XYLT2: variants seen among roughly 807,000 people sequenced by gnomAD.
XYLT2 encodes xylosyltransferase 2.
A neutral mutation model predicts 82.6 loss-of-function variants in XYLT2; 37 were observed. The observed-to-expected ratio is 0.45, with a 90% CI of 0.34 to 0.59. XYLT2 has a LOEUF of 0.59. Among genes scored for constraint, XYLT2 ranks in the 20% least tolerant of loss-of-function variants. XYLT2 has a pLI of 0.01. For synonymous variants in XYLT2, 474 were observed against 499.0 expected, an observed-to-expected ratio of 0.95 and a Z score of 0.67; for missense variants, 934 against 1,181.3, an observed-to-expected ratio of 0.79 and a Z score of 3.07.
chr17:50,355,964 C>T lies in XYLT2; in HGVS notation c.1272C>T (p.Arg424=). 1 of 1,614,232 alleles carries T rather than the reference C, an allele frequency of 6.2e-7. No individual in the cohort carries two copies. The highest frequency in any genetic ancestry group is 8.5e-7 in the Non-Finnish European group (1 of 1,180,030). Residue 424 remains arginine, a synonymous_variant, in exon 6 of 11, where the codon CGC becomes CGT. Transcript: ENST00000017003. ...YTDDPLVAQL[R]QFYTYTLLPA... is the part of the protein sequence containing the mutation. ...ATGACCCGCTTGTGGCCCAGCTGCGCCAGTTCTACACATACACACTGCTCC... is the reference window on the plus strand; with the variant it reads ...ATGACCCGCTTGTGGCCCAGCTGCGTCAGTTCTACACATACACACTGCTCC...
chr17:50,348,068 T>C (rs1912111821), intron 1 of XYLT2, among the ~76,000 whole-genome samples: 1 of 152,174 alleles, frequency 6.6e-6, no homozygotes, highest in Non-Finnish European at 1.5e-5. Flanking sequence ...TAAATAACTC[T>C]TATTATCCCA....
Position 50,354,440 on chromosome 17 carries a change from A to G in XYLT2, c.661A>G (p.Ser221Gly). 6.2e-7 allele frequency: 1 copy of G among 1,611,336 alleles called. No homozygotes were observed. Among genetic ancestry groups the G allele is most frequent in the Non-Finnish European group, 8.5e-7 (1 of 1,179,558 alleles). Residue 221 changes from serine to glycine, a missense_variant, in exon 3 of 11, where the codon AGC (serine) becomes GGC (glycine). Physicochemically the swap from Ser to Gly is moderately conservative, Grantham distance 56. Transcript: ENST00000017003. ...GAGCCCCGGCATCCAGTGGGATGAG[A>G]GCCAAGCCCAGCAGCCCATGGATGG... Reference protein sequence around the residue: ...KMSPGIQWDESQAQQPMDGPP... With the variant: ...KMSPGIQWDEGQAQQPMDGPP...
rs550624609 is a variant in XYLT2 at position 50,359,652 on chromosome 17, G to A, written c.2276-317G>A. Reference sequence around the variant, plus strand: ...CTGAAGTGCCCGAGTACAGGCTTCTGAGGGCTCTAGGAGCCACCAATGATG... The same window carrying A: ...CTGAAGTGCCCGAGTACAGGCTTCTAAGGGCTCTAGGAGCCACCAATGATG... On this transcript the variant is annotated intron_variant, in intron 10 of 10. Coordinates refer to ENST00000017003, the MANE Select transcript of XYLT2 (RefSeq NM_022167.4). The A allele has an allele frequency of 1.8e-3, 568 of 319,934 alleles. 1 individual carries two copies. Among genetic ancestry groups the A allele is most frequent in the Non-Finnish European group, 2.6e-3 (442 of 173,200 alleles). 19.8% of individuals were successfully genotyped at this position (319,934 alleles called of 1,614,324 possible). A position where few individuals can be genotyped will look rare whatever the true frequency, so the allele number is the denominator to read the frequency against.
intron 1 of XYLT2, among the ~76,000 whole-genome samples, chr17:50,347,365 A>G (rs1346732687): frequency 6.6e-6 from 1 of 152,166 alleles, no homozygotes; most frequent in East Asian, 1.9e-4. Context: ...TGGAGACAGA[A>G]GAGCTGCCCT....
intron 1 of XYLT2, among the ~76,000 whole-genome samples, chr17:50,352,248 G>A (rs571107891): frequency 2.2e-4 from 33 of 152,328 alleles, no homozygotes; most frequent in Admixed American, 3.9e-4. Context: ...CATGCTCAGA[G>A]AAGTTAGGGA....
intron 4 of XYLT2, 41 bp from the exon 5 acceptor site, chr17:50,355,460 A>G (rs1284125566): frequency 1.2e-6 from 2 of 1,602,510 alleles, no homozygotes; most frequent in Non-Finnish European, 8.5e-7. Context: ...TGACTGAGCA[A>G]CTATCTCATG....
At chr17:50,348,756 G>A (rs1406762807) in intron 1 of XYLT2, among the ~76,000 whole-genome samples, 1 of 152,230 alleles carries the variant, frequency 6.6e-6, no homozygotes, top group Non-Finnish European at 1.5e-5. Context: ...TACAGAGCCA[G>A]GAAGTGGCAG....
rs1912502172 is a variant in XYLT2 at position 50,355,856 on chromosome 17, G to A, written c.1164G>A (p.Gln388=). ...ACATGTGGCGCCTGGGCGAGCGGCAGATCCCAGCAGGCATTGTGGTGGATG... is the reference window on the plus strand; with the variant it reads ...ACATGTGGCGCCTGGGCGAGCGGCAAATCCCAGCAGGCATTGTGGTGGATG... ...DSHMWRLGER[Q]IPAGIVVDGG... The change falls in exon 6 of 11, where the codon CAG becomes CAA. Residue 388 remains glutamine (Q), a synonymous_variant. Transcript: ENST00000017003. The A allele has an allele frequency of 1.2e-6, 2 of 1,614,156 alleles. No individual in the cohort carries two copies. The highest frequency in any genetic ancestry group is 2.7e-5 in the African/African-American group (2 of 74,948).
rs766559599 is a variant in XYLT2 at position 50,356,654 on chromosome 17, C to T, written c.1626C>T (p.Asp542=). The T allele has an allele frequency of 5.5e-5, 88 of 1,613,928 alleles. No individual in the cohort carries two copies. In the Middle Eastern group the frequency reaches 8.2e-4, roughly 15 times the overall value. ...AGGCCTACTGGGAGAACACCTACGA[C>T]GCGGCTGATGGCCCCAGTGGGCTCA... ...ALKAYWENTY[D]AADGPSGLSD... The change falls in exon 8 of 11, where the codon GAC becomes GAT. Residue 542 remains aspartate (D), a synonymous_variant. Transcript: ENST00000017003.
Position 50,346,775 on chromosome 17 carries a change from G to A in XYLT2, c.135+500G>A. 1 of 985,422 alleles carries A rather than the reference G, an allele frequency of 1.0e-6. No individual in the cohort carries two copies. Among genetic ancestry groups the A allele is most frequent in the Non-Finnish European group, 1.2e-6 (1 of 829,926 alleles). 61.0% of individuals were successfully genotyped at this position (985,422 alleles called of 1,614,324 possible). ...GGTGAGGAAGGGGAGCTCGGGGGTG[G>A]AATTCAGGCCTGGGACAAAGTGTGT... On this transcript the variant is annotated intron_variant, in intron 1 of 10. Transcript: ENST00000017003. The surrounding 1 kb of genome is among the most constrained non-coding windows in gnomAD (Gnocchi z 5.1).
chr17:50,357,423 G>A (rs1912593612), intron 9 of XYLT2, 171 bp downstream of exon 9: 5 of 622,876 alleles, frequency 8.0e-6, no homozygotes, highest in Non-Finnish European at 2.7e-6. Context: ...TGCACACTGA[G>A]GAGCACCTCC....
Position 50,353,833 on chromosome 17 carries a change from AC to A in XYLT2, c.344del (p.Pro115ArgfsTer9). On this transcript the variant is annotated frameshift_variant, in exon 2 of 11. Coordinates refer to ENST00000017003, the MANE Select transcript of XYLT2 (RefSeq NM_022167.4). LOFTEE classifies it high-confidence loss of function. ...RASRRVPPAP[P>X]PEAPGRQNLS... ...CCAGCCGGCGGGTCCCACCTGCCCC[AC>A]CCCCGGAAGCCCCAGGCCGCCAGAA... 1 of 1,592,448 alleles carries A rather than the reference AC, an allele frequency of 6.3e-7. No homozygotes were observed.
chr17:50,361,013 T>C lies in XYLT2; in HGVS notation c.*722T>C. On this transcript the variant is annotated 3_prime_UTR_variant, in exon 11 of 11. Coordinates refer to ENST00000017003, the MANE Select transcript of XYLT2 (RefSeq NM_022167.4). ...GAGACCCATGCAGAGTTTCCAGGTG[T>C]GCACTGGAAGTGAGGTCACATGAGC... is the stretch of plus-strand genomic sequence containing the variant. 1.0e-6 allele frequency: 1 copy of C among 985,744 alleles called. No homozygotes were observed. The highest frequency in any genetic ancestry group is 1.2e-6 in the Non-Finnish European group (1 of 829,924). The allele number at this position is 985,744 out of a possible 1,614,324, so 61.1% of individuals were successfully genotyped here.
chr17:50,359,843 T>C, intron 10 of XYLT2, 126 bp from the exon 11 acceptor site: 1 of 844,634 alleles, frequency 1.2e-6, no homozygotes. Context: ...CCCAAGGTCA[T>C]TCAGCAAGCT....
chr17:50,353,482 G>T, intron 1 of XYLT2, 148 bp from the exon 2 acceptor site: 5 of 1,272,532 alleles, frequency 3.9e-6, no homozygotes, highest in Non-Finnish European at 5.3e-6. Flanking sequence ...GGTACTGATT[G>T]TGCGGAGTCC....
Position 50,353,748 on chromosome 17 carries a change from C to G in XYLT2, c.254C>G (p.Ala85Gly), listed in dbSNP as rs1186042455. The G allele has an allele frequency of 1.3e-6, 2 of 1,558,276 alleles. No individual in the cohort carries two copies. The highest frequency in any genetic ancestry group is 1.4e-5 in the African/African-American group (1 of 73,572). The change falls in exon 2 of 11, where the codon GCT (alanine) becomes GGT (glycine). Residue 85 changes from alanine to glycine, a missense_variant. Around this residue, in one of 3 missense-constraint regions of XYLT2, gnomAD observed 371 missense variants for 394.9 expected, o/e 0.94. Coordinates refer to ENST00000017003, the MANE Select transcript of XYLT2 (RefSeq NM_022167.4). Reference sequence around the variant, plus strand: ...AGGCATGGGCGCTGGCGGGGCCGTGCTGAGAGCCCAGGAGTGCCCGTGGCC... The same window carrying G: ...AGGCATGGGCGCTGGCGGGGCCGTGGTGAGAGCCCAGGAGTGCCCGTGGCC... ...GRRHGRWRGRAESPGVPVAKV... is the reference protein window; with the variant it reads ...GRRHGRWRGRGESPGVPVAKV...
chr17:50,354,784 ACT>A, intron 3 of XYLT2, 68 bp from the exon 4 acceptor site: 2 of 1,595,518 alleles, frequency 1.3e-6, no homozygotes, highest in Non-Finnish European at 1.7e-6. Context: ...GTGTCCCTTC[ACT>A]CTGTCCTGGG....
Position 50,346,427 on chromosome 17 carries a change from C to G in XYLT2, c.135+152C>G. On this transcript the variant is annotated intron_variant, in intron 1 of 10. Transcript: ENST00000017003. This position sits in a 1 kb window ranked among gnomAD's most constrained non-coding sequence, Gnocchi z 5.1. ...GTCGCCCAGAGCGGAGCATCCGGCC[C>G]CCGGCACTCCCTTCCCCAGCAGGCC... 1.1e-6 allele frequency: 1 copy of G among 927,576 alleles called. No homozygotes were observed. Among genetic ancestry groups the G allele is most frequent in the Non-Finnish European group, 1.3e-6 (1 of 776,344 alleles). The allele number at this position is 927,576 out of a possible 1,614,324, so 57.5% of individuals were successfully genotyped here.
chr17:50,357,325 C>T (rs756788114), intron 9 of XYLT2, 73 bp downstream of exon 9: 2 of 1,409,570 alleles, frequency 1.4e-6, no homozygotes, highest in African/African-American at 1.4e-5. Flanking sequence ...GAGGGACAGA[C>T]ACCAAGGGAG....
Sources: allele counts gnomAD v4.1 joint callset (sites outside exome capture counted in the v4.1 genomes callset), GRCh38; gene constraint gnomAD v4.1.1; regional missense constraint gnomAD v4.1.1; non-coding constraint Gnocchi (gnomAD v3.1); transcripts MANE v1.5; gene names NCBI Gene and HGNC (gene_info 2026-07-23, HGNC 2026-07-21).